The following ATRN variants were observed in gnomAD, a reference collection of about 807,000 sequenced individuals.
The protein encoded by ATRN is attractin.
In ATRN, 54 loss-of-function variants were observed where a neutral mutation model predicts 178.7. The ratio of observed to expected loss-of-function variants is 0.30; its 90% CI spans 0.24 to 0.38. ATRN has a LOEUF of 0.38. ATRN is among the 10% of genes least tolerant of loss of function. The pLI, the probability that ATRN is intolerant of heterozygous loss-of-function variation, is 1.00. For synonymous variants in ATRN, 636 were observed against 663.0 expected (o/e 0.96, Z 0.63); for missense variants, 1,443 against 1,815.1 (o/e 0.79, Z 3.73).
Position 3,565,436 on chromosome 20 carries a change from A to G in ATRN, c.1871+4A>G, listed in dbSNP as rs763265817. 1 of 1,608,844 alleles carries G rather than the reference A, an allele frequency of 6.2e-7. No homozygotes were observed. The highest frequency in any genetic ancestry group is 2.2e-5 in the East Asian group (1 of 44,860). On this transcript the variant is annotated splice_donor_region_variant and intron_variant, in intron 11 of 28. Coordinates refer to ENST00000262919, the MANE Select transcript of ATRN (RefSeq NM_139321.3). ...ATTCAGCAGTCTTACACAACAGGTAATTGGAGAAGTGATTGCTCCTTTTCT... is the reference window on the plus strand; with the variant it reads ...ATTCAGCAGTCTTACACAACAGGTAGTTGGAGAAGTGATTGCTCCTTTTCT...
chr20:3,650,221 T>C lies in ATRN; in HGVS notation c.*3374T>C, dbSNP rs2087136529. On this transcript the variant is annotated 3_prime_UTR_variant, in exon 29 of 29. Transcript: ENST00000262919. Reference sequence around the variant, plus strand: ...GCTCCTTTGATTTAATGGGGTGTACTGGGGCCAGGGGCTGATTCACTTCCT... The same window carrying C: ...GCTCCTTTGATTTAATGGGGTGTACCGGGGCCAGGGGCTGATTCACTTCCT... 1 of 152,686 alleles carries C rather than the reference T, an allele frequency of 6.5e-6. No homozygotes were observed. Among genetic ancestry groups the C allele is most frequent in the Admixed American group, 6.5e-5 (1 of 15,278 alleles). The allele number at this position is 152,686 out of a possible 1,614,324, so 9.5% of individuals were successfully genotyped here.
intron 1 of ATRN, among the ~76,000 whole-genome samples, chr20:3,509,630 A>T (rs1233208398): frequency 6.6e-6 from 1 of 151,618 alleles, no homozygotes; most frequent in Admixed American, 6.6e-5. Context: ...CAGCCTCCCG[A>T]GTAGCTGGGA....
At chr20:3,538,200 C>G (rs1315296085) in intron 2 of ATRN, among the ~76,000 whole-genome samples, 1 of 148,588 alleles carries the variant, frequency 6.7e-6, no homozygotes, top group Non-Finnish European at 1.5e-5. Flanking sequence ...TTTTTAACTG[C>G]TTAATCAAGA....
In ATRN at chr20:3,559,490, C is replaced by T. The variant is rs766786352; in HGVS notation, c.1203+7C>T. On this transcript the variant is annotated splice_region_variant and intron_variant, in intron 7 of 28. Coordinates refer to ENST00000262919, the MANE Select transcript of ATRN (RefSeq NM_139321.3). ...TTCTTTGGCATTATACAAGGTAAAG[C>T]ATCTCCACTCTGTGCTAAGCAAGAA... is the stretch of plus-strand genomic sequence containing the variant. The T allele has an allele frequency of 1.2e-6, 2 of 1,601,496 alleles. No homozygotes were observed. The highest frequency in any genetic ancestry group is 1.3e-5 in the African/African-American group (1 of 74,784).
intron 1 of ATRN, among the ~76,000 whole-genome samples, chr20:3,506,343 G>T (rs2085043849): frequency 6.6e-6 from 1 of 152,144 alleles, no homozygotes; most frequent in Non-Finnish European, 1.5e-5. Context: ...AAATGCACTG[G>T]CCTGGCATGG....
intron 1 of ATRN, among the ~76,000 whole-genome samples, chr20:3,526,060 C>G (rs1051814355): frequency 2.6e-5 from 4 of 152,056 alleles, no homozygotes; most frequent in African/African-American, 9.7e-5. Context: ...GGCAATCAGA[C>G]AAGAGAAAGA....
chr20:3,563,102 T>C, intron 9 of ATRN, 107 bp from the exon 10 acceptor site: 4 of 952,614 alleles, frequency 4.2e-6, no homozygotes, highest in Non-Finnish European at 4.6e-6. Context: ...GAAGGATTTG[T>C]ACATTTGGGT....
At position 3,649,124 on chromosome 20, in the gene ATRN, C is replaced by T. The variant is rs922378223; in HGVS notation, c.*2277C>T. On this transcript the variant is annotated 3_prime_UTR_variant, in exon 29 of 29. Coordinates refer to ENST00000262919, the MANE Select transcript of ATRN (RefSeq NM_139321.3). ...AATCCACCTGCTTCTCCTTTGCAAC[C>T]GACAGCAAACAGCTTTCTCCGGCCT... is the stretch of plus-strand genomic sequence containing the variant. 3.9e-5 allele frequency: 6 copies of T among 152,168 alleles called. No individual in the cohort carries two copies. Among genetic ancestry groups the T allele is most frequent in the East Asian group, 1.9e-4 (1 of 5,194 alleles). The allele number at this position is 152,168 out of a possible 1,614,324, so 9.4% of individuals were successfully genotyped here.
chr20:3,497,645 GT>G (rs1443787311), intron 1 of ATRN, among the ~76,000 whole-genome samples: 1 of 152,020 alleles, frequency 6.6e-6, no homozygotes, highest in Non-Finnish European at 1.5e-5. Context: ...GTGTCTTGGA[GT>G]TGCTCTTTTC....
intron 27 of ATRN, among the ~76,000 whole-genome samples, chr20:3,642,497 A>G (rs1190776709): frequency 2.0e-5 from 3 of 152,166 alleles, no homozygotes; most frequent in East Asian, 1.9e-4. Context: ...TCTATCAGCA[A>G]ATCTTGACTC....
chr20:3,579,730 A>G (rs909536240), intron 15 of ATRN, among the ~76,000 whole-genome samples: 12 of 152,198 alleles, frequency 7.9e-5, no homozygotes, highest in African/African-American at 2.9e-4. Flanking sequence ...AGACTCATAG[A>G]ACAAAGCTCT....
chr20:3,488,528 G>A (rs529394409), intron 1 of ATRN, among the ~76,000 whole-genome samples: 1 of 152,218 alleles, frequency 6.6e-6, no homozygotes, highest in East Asian at 1.9e-4. Context: ...TTATCAATCA[G>A]GTGTTTATGT....
intron 1 of ATRN, among the ~76,000 whole-genome samples, chr20:3,497,344 T>C (rs2084894812): frequency 6.6e-6 from 1 of 152,102 alleles, no homozygotes; most frequent in Non-Finnish European, 1.5e-5. Context: ...GGAGCTCTTT[T>C]AGGGCAGGCC....
At chr20:3,536,702 A>T (rs2085538308) in intron 2 of ATRN, among the ~76,000 whole-genome samples, 1 of 152,182 alleles carries the variant, frequency 6.6e-6, no homozygotes, top group African/African-American at 2.4e-5. Context: ...AATCTCTTTA[A>T]TGTGTAGCTT....
chr20:3,611,992 A>G (rs1329471486), intron 24 of ATRN, among the ~76,000 whole-genome samples: 3 of 152,190 alleles, frequency 2.0e-5, no homozygotes, highest in African/African-American at 7.2e-5. Flanking sequence ...ATTCCTAGGC[A>G]TTTATCCTAG....
intron 1 of ATRN, among the ~76,000 whole-genome samples, chr20:3,485,090 C>G (rs2084672141): frequency 6.6e-6 from 1 of 151,998 alleles, no homozygotes; most frequent in South Asian, 2.1e-4. Context: ...ACAGCTGTCA[C>G]ATCTCTTTGT....
intron 24 of ATRN, among the ~76,000 whole-genome samples, chr20:3,611,215 C>T (rs940010290): frequency 1.3e-5 from 2 of 152,150 alleles, no homozygotes; most frequent in Non-Finnish European, 2.9e-5. Flanking sequence ...AAAGTTTTTG[C>T]TCTGTGAGAA....
At chr20:3,600,425 C>T (rs1377760577) in intron 22 of ATRN, among the ~76,000 whole-genome samples, 2 of 152,040 alleles carry the variant, frequency 1.3e-5, no homozygotes, top group Non-Finnish European at 2.9e-5. Flanking sequence ...AAATTAAGTA[C>T]ATTTCAGCTC....
intron 24 of ATRN, among the ~76,000 whole-genome samples, chr20:3,613,674 A>AT (rs1356262494): frequency 6.6e-6 from 1 of 152,010 alleles, no homozygotes; most frequent in Non-Finnish European, 1.5e-5. Context: ...TTTGATTCTC[A>AT]TTTTTTAAAT....
Sources: gnomAD v4.1 joint callset for allele counts (sites outside exome capture counted in the v4.1 genomes callset) on GRCh38, gnomAD v4.1.1 for gene constraint, MANE v1.5 for transcripts, NCBI Gene and HGNC (gene_info 2026-07-23, HGNC 2026-07-21) for gene names.